Variants in GRM7 observed in about 807,000 individuals in gnomAD.
The protein encoded by GRM7 is glutamate metabotropic receptor 7, also known as metabotropic glutamate receptor 7.
A neutral mutation model predicts 84.5 loss-of-function variants in GRM7; 35 were observed. That is an observed-to-expected ratio of 0.41 (90% CI 0.32 to 0.55). The LOEUF is 0.55. GRM7 is among the 20% of genes least tolerant of loss of function. The probability of loss-of-function intolerance (pLI) is 0.19; values close to 1 mark genes in which losing one functional copy is unlikely to be tolerated. For synonymous variants in GRM7, 487 were observed against 455.1 expected (o/e 1.07, Z -0.89); for missense variants, 1,003 against 1,194.6 (o/e 0.84, Z 2.36).
intron 4 of GRM7, among the ~76,000 whole-genome samples, chr3:7,390,803 A>G (rs1178721134): frequency 6.6e-6 from 1 of 151,562 alleles, no homozygotes; most frequent in Non-Finnish European, 1.5e-5. Flanking sequence ...GGTCTGGTTG[A>G]GTTTTTTTTT....
chr3:7,410,454 T>G (rs192082907), intron 4 of GRM7, among the ~76,000 whole-genome samples: 261 of 152,086 alleles, frequency 1.7e-3, no homozygotes, highest in Non-Finnish European at 2.6e-3. Context: ...CCACCTGTGG[T>G]CCCAGCTACC....
chr3:7,308,423 C>T (rs1480660276), intron 4 of GRM7, among the ~76,000 whole-genome samples: 1 of 152,168 alleles, frequency 6.6e-6, no homozygotes, highest in Non-Finnish European at 1.5e-5. Context: ...TATGCACCAT[C>T]GTACCCCCAG....
At chr3:7,622,779 T>A (rs1697421325) in intron 8 of GRM7, among the ~76,000 whole-genome samples, 1 of 151,848 alleles carries the variant, frequency 6.6e-6, no homozygotes. Flanking sequence ...AGAAGAGGGA[T>A]GTAAAGTGAA....
intron 5 of GRM7, among the ~76,000 whole-genome samples, chr3:7,423,037 AATAGAGGTGT>A (rs1481584015): frequency 6.6e-6 from 1 of 152,140 alleles, no homozygotes; most frequent in Non-Finnish European, 1.5e-5. Context: ...AGCCTTATGA[AATAGAGGTGT>A]ATAGATGGAC....
At chr3:7,184,712 C>T (rs6774606) in intron 2 of GRM7, among the ~76,000 whole-genome samples, 10,576 of 152,084 alleles carry the variant, frequency 0.07, 1,095 homozygotes, top group African/African-American at 0.23. Flanking sequence ...GCAGTCTGCT[C>T]ATAATGAATA....
intron 4 of GRM7, among the ~76,000 whole-genome samples, chr3:7,333,864 C>A (rs911318068): frequency 6.6e-6 from 1 of 151,978 alleles, no homozygotes. Flanking sequence ...GAAGAAAGAA[C>A]TTCAGAGCTC....
intron 1 of GRM7, among the ~76,000 whole-genome samples, chr3:6,933,698 C>T (rs547219994): frequency 2.7e-5 from 4 of 150,774 alleles, no homozygotes; most frequent in Non-Finnish European, 5.9e-5. Context: ...GTTTTGTAAT[C>T]AGGCCACATT....
At position 7,067,587 on chromosome 3, in the gene GRM7, C is replaced by T. The variant is rs554322072; in HGVS notation, c.520-78865C>T. 2.6e-5 allele frequency among the ~76,000 whole-genome samples: 4 copies of T among 152,026 alleles called. No individual in the cohort carries two copies. The South Asian group carries it at 8.3e-4, about 32-fold the overall frequency. ...GATTTGCTGTTTTTAATGCATGACT[C>T]CCAGGAATACTCTGGTTGTTGGCAG... On this transcript the variant is annotated intron_variant, in intron 1 of 9. Transcript: ENST00000357716.
chr3:7,113,593 G>A (rs1692933117), intron 1 of GRM7, among the ~76,000 whole-genome samples: 1 of 151,902 alleles, frequency 6.6e-6, no homozygotes, highest in Non-Finnish European at 1.5e-5. Flanking sequence ...TTTATTTTAG[G>A]GTTCACTCTT....
chr3:7,593,924 C>T (rs113737457), intron 8 of GRM7, among the ~76,000 whole-genome samples: 1 of 151,874 alleles, frequency 6.6e-6, no homozygotes, highest in South Asian at 2.1e-4. Flanking sequence ...AAATTACACC[C>T]TTGACACAAT....
At chr3:7,193,661 C>G (rs1695787915) in intron 2 of GRM7, among the ~76,000 whole-genome samples, 1 of 139,730 alleles carries the variant, frequency 7.2e-6, no homozygotes, top group Admixed American at 7.1e-5. Context: ...CTGTATTTCT[C>G]TTTCCTCTCT....
Position 7,357,660 on chromosome 3 carries a change from A to G in GRM7, c.1033+51008A>G, listed in dbSNP as rs79921956. Among the ~76,000 whole-genome samples the G allele has an allele frequency of 6.1e-3, 936 of 152,222 alleles. 6 individuals are homozygous for G. Among genetic ancestry groups the G allele is most frequent in the African/African-American group, 0.021 (882 of 41,552 alleles). ...CGAATAGCTTCCTGCAGAAGGAATTACCCTGTTTAGCCAGGGCATGCCCCT... is the reference window on the plus strand; with the variant it reads ...CGAATAGCTTCCTGCAGAAGGAATTGCCCTGTTTAGCCAGGGCATGCCCCT... On this transcript the variant is annotated intron_variant, in intron 4 of 9. Transcript: ENST00000357716.
intron 8 of GRM7, among the ~76,000 whole-genome samples, chr3:7,656,498 AAAACAAAC>A (rs1230074739): frequency 8.3e-6 from 1 of 120,776 alleles, no homozygotes; most frequent in Non-Finnish European, 1.8e-5. Context: ...TCTGTCTCAA[AAAACAAAC>A]AAACAAATAA....
chr3:7,660,054 A>C (rs539041900), intron 8 of GRM7, among the ~76,000 whole-genome samples: 2 of 152,366 alleles, frequency 1.3e-5, no homozygotes, highest in African/African-American at 4.8e-5. Context: ...TAGGTAGATA[A>C]AATATAGGAT....
chr3:7,724,491 C>T (rs573990744), intron 9 of GRM7, among the ~76,000 whole-genome samples: 1 of 152,090 alleles, frequency 6.6e-6, no homozygotes, highest in African/African-American at 2.4e-5. Context: ...ACTACTTTTT[C>T]CCGATTAGGT....
intron 1 of GRM7, among the ~76,000 whole-genome samples, chr3:7,123,745 G>C (rs1160105977): frequency 6.6e-6 from 1 of 152,160 alleles, no homozygotes; most frequent in African/African-American, 2.4e-5. Flanking sequence ...AGCCTTGGAG[G>C]TCAACGCTTC....
intron 1 of GRM7, among the ~76,000 whole-genome samples, chr3:6,989,467 A>T (rs1694551172): frequency 6.6e-6 from 1 of 152,220 alleles, no homozygotes; most frequent in African/African-American, 2.4e-5. Flanking sequence ...TTTAACTTAT[A>T]TGTTTATGGC....
At chr3:7,062,184 T>C (rs78083618) in intron 1 of GRM7, among the ~76,000 whole-genome samples, 4,577 of 151,818 alleles carry the variant, frequency 0.03, 172 homozygotes, top group African/African-American at 0.092. Flanking sequence ...ATTAAGCATC[T>C]TGGATTGTTT....
rs1047976344 is a variant in GRM7, at chr3:7,048,331, T to C, written c.520-98121T>C. On this transcript the variant is annotated intron_variant, in intron 1 of 9. Coordinates refer to ENST00000357716, the MANE Select transcript of GRM7 (RefSeq NM_000844.4). Reference sequence around the variant, plus strand: ...TAGATTTTTTATTTTTTCTTGGTTGTTGCAATTTTGTCTATAATACAATGT... The same window carrying C: ...TAGATTTTTTATTTTTTCTTGGTTGCTGCAATTTTGTCTATAATACAATGT... Among the ~76,000 whole-genome samples, 5 of 151,962 alleles carry C rather than the reference T, an allele frequency of 3.3e-5. No individual in the cohort carries two copies. In the East Asian group the frequency reaches 9.7e-4, roughly 29 times the overall value.
Sources: allele counts gnomAD v4.1 joint callset (sites outside exome capture counted in the v4.1 genomes callset), GRCh38; gene constraint gnomAD v4.1.1; transcripts MANE v1.5; gene names NCBI Gene and HGNC (gene_info 2026-07-23, HGNC 2026-07-21).